The following DCLK1 variants were observed in gnomAD, a reference collection of about 807,000 sequenced individuals.
DCLK1 encodes the protein serine/threonine-protein kinase DCLK1.
In DCLK1, 16 loss-of-function variants were observed where a neutral mutation model predicts 86.2. The ratio of observed to expected loss-of-function variants is 0.19; its 90% confidence interval spans 0.13 to 0.28. The LOEUF (loss-of-function observed/expected upper bound fraction) is 0.28. Among genes scored for constraint, DCLK1 ranks in the 10% least tolerant of loss-of-function variants. The pLI is 1.00. For synonymous variants in DCLK1, 369 were observed against 370.5 expected (o/e 1.00, Z 0.05); for missense variants, 590 against 940.2 (o/e 0.63, Z 4.87).
chr13:36,077,410 C>T (rs1884251436), intron 3 of DCLK1, among the ~76,000 whole-genome samples: 1 of 152,128 alleles, frequency 6.6e-6, no homozygotes, highest in Non-Finnish European at 1.5e-5. Context: ...TTGCCAGCAT[C>T]CCCCTGGAAA....
At position 35,809,565 on chromosome 13, in the gene DCLK1, G is replaced by C. The variant is rs190816751; in HGVS notation, c.1689-470C>G. Reference sequence around the variant, plus strand: ...CAAGTATTGCTTATTGTACAGAAGAGAGAAAACAGGTTCAGATGGGTGAGT... The same window carrying C: ...CAAGTATTGCTTATTGTACAGAAGACAGAAAACAGGTTCAGATGGGTGAGT... On this transcript the variant is annotated intron_variant, in intron 12 of 16. Transcript: ENST00000360631. Among the ~76,000 whole-genome samples, 96 of 152,308 alleles carry C rather than the reference G, an allele frequency of 6.3e-4. 1 individual carries two copies. The highest frequency in any genetic ancestry group is 2.2e-3 in the African/African-American group (93 of 41,580).
At position 35,808,061 on chromosome 13, in the gene DCLK1, G is replaced by T. The variant is rs534781707; in HGVS notation, c.1863+163C>A. Among the ~76,000 whole-genome samples the T allele has an allele frequency of 4.6e-4, 70 of 152,324 alleles. 1 individual carries two copies. The South Asian group carries it at 5.6e-3, about 12-fold the overall frequency. Reference sequence around the variant, plus strand: ...CTTGTTGGGATGTCTGGGAACAGATGACTTGATGACTGTGAAATCTTGGAA... The same window carrying T: ...CTTGTTGGGATGTCTGGGAACAGATTACTTGATGACTGTGAAATCTTGGAA... On this transcript the variant is annotated intron_variant, in intron 14 of 16. Transcript: ENST00000360631.
intron 3 of DCLK1, among the ~76,000 whole-genome samples, chr13:35,959,043 C>T (rs1287948721): frequency 1.3e-5 from 2 of 152,114 alleles, no homozygotes; most frequent in Non-Finnish European, 2.9e-5. Context: ...GGTTTCAAGA[C>T]ATTACGTTTT....
intron 4 of DCLK1, among the ~76,000 whole-genome samples, chr13:35,903,432 TCTC>T (rs1459930784): frequency 2.6e-5 from 4 of 152,198 alleles, no homozygotes; most frequent in African/African-American, 4.8e-5. Flanking sequence ...CCTCTCTCTC[TCTC>T]ATTTCTTTTT....
At chr13:35,846,314 C>T in intron 6 of DCLK1, 1 of 985,264 alleles carries the variant, frequency 1.0e-6, no homozygotes, top group South Asian at 4.7e-5. Flanking sequence ...TCCTTGCTTA[C>T]TGATGAGTAT....
chr13:35,866,912 T>G (rs1871834840), intron 5 of DCLK1, among the ~76,000 whole-genome samples: 1 of 152,066 alleles, frequency 6.6e-6, no homozygotes, highest in African/African-American at 2.4e-5. Context: ...TATAGTTGAG[T>G]AGGGACAGGA....
intron 15 of DCLK1, among the ~76,000 whole-genome samples, chr13:35,796,120 T>C (rs928446316): frequency 2.0e-5 from 3 of 152,096 alleles, no homozygotes; most frequent in Non-Finnish European, 2.9e-5. Flanking sequence ...TGGCAGAGTG[T>C]CGGGTTCTGC....
chr13:35,946,123 C>G (rs1877370034), intron 4 of DCLK1, among the ~76,000 whole-genome samples: 1 of 152,108 alleles, frequency 6.6e-6, no homozygotes, highest in Non-Finnish European at 1.5e-5. Context: ...GATGATCTGT[C>G]TATCTCAGCC....
chr13:35,818,386 G>A (rs2087316750), intron 11 of DCLK1, among the ~76,000 whole-genome samples: 1 of 152,190 alleles, frequency 6.6e-6, no homozygotes, highest in South Asian at 2.1e-4. Context: ...CTAGCTTATT[G>A]CTAGATATAA....
At chr13:36,122,382 T>C (rs1450314877) in intron 2 of DCLK1, among the ~76,000 whole-genome samples, 2 of 152,210 alleles carry the variant, frequency 1.3e-5, no homozygotes. Flanking sequence ...CAAATTCACT[T>C]ACTTGTATCC....
chr13:35,819,954 G>A (rs1472787683), intron 11 of DCLK1, among the ~76,000 whole-genome samples: 2 of 152,148 alleles, frequency 1.3e-5, no homozygotes, highest in African/African-American at 4.8e-5. Context: ...GCTTGAAGGA[G>A]GTACCTTCCT....
At chr13:35,989,847 C>T (rs55899419) in intron 3 of DCLK1, among the ~76,000 whole-genome samples, 54,610 of 151,608 alleles carry the variant, frequency 0.36, 10,912 homozygotes, top group Admixed American at 0.44. Flanking sequence ...CCACCACATC[C>T]AGCAAAACAT....
At chr13:35,878,525 G>C (rs944212896) in intron 4 of DCLK1, among the ~76,000 whole-genome samples, 14 of 151,964 alleles carry the variant, frequency 9.2e-5, no homozygotes, top group Admixed American at 1.3e-4. Context: ...CATTGCAGTG[G>C]GGGGGAAATG....
At chr13:35,822,521 G>A (rs1477053418) in intron 11 of DCLK1, among the ~76,000 whole-genome samples, 1 of 151,922 alleles carries the variant, frequency 6.6e-6, no homozygotes, top group East Asian at 1.9e-4. Context: ...CCTGGTTTTT[G>A]TTTGCTAATA....
At position 35,823,592 on chromosome 13, in the gene DCLK1, T is replaced by C. The variant is rs551919651; in HGVS notation, c.1408-717A>G. On this transcript the variant is annotated intron_variant, in intron 10 of 16. Transcript: ENST00000360631. ...AACTTTTGTTTCCTTTGCTCCTTTT[T>C]AAATATATTGCTTTTTGGTAAAATG... Among the ~76,000 whole-genome samples the C allele has an allele frequency of 2.0e-5, 3 of 152,316 alleles. No individual in the cohort carries two copies. The East Asian group carries it at 5.8e-4, about 29-fold the overall frequency.
chr13:36,131,845 C>T (rs889766070), upstream of DCLK1, among the ~76,000 whole-genome samples: 2 of 152,194 alleles, frequency 1.3e-5, no homozygotes, highest in African/African-American at 4.8e-5. Flanking sequence ...ATCCTTTTTG[C>T]CCGGGATGCA....
intron 4 of DCLK1, among the ~76,000 whole-genome samples, chr13:35,896,880 C>G (rs993777853): frequency 6.6e-6 from 1 of 152,102 alleles, no homozygotes; most frequent in Non-Finnish European, 1.5e-5. Flanking sequence ...GGACATTTAA[C>G]CCATCTTGAG....
rs1304193803 is a variant in DCLK1 at position 35,982,431 on chromosome 13, AGGGGGAGGGAGGGAGGGAGGGAGG to A, written c.724-34998_724-34975del. ...AAGGGAGAGAGAGAGAGAGAGAGAG[AGGGGGAGGGAGGGAGGGAGGGAGG>A]GAGGGAGGGAGGGAGGGAGGGAGAA... On this transcript the variant is annotated intron_variant, in intron 3 of 16. Coordinates refer to ENST00000360631, the MANE Select transcript of DCLK1 (RefSeq NM_001330071.2). Among the ~76,000 whole-genome samples the A allele has an allele frequency of 9.7e-5, 4 of 41,218 alleles. 2 individuals are homozygous for A. The highest frequency in any genetic ancestry group is 6.4e-4 in the Admixed American group (2 of 3,134). 27.0% of individuals were successfully genotyped at this position (41,218 alleles called of 152,430 possible). A position where few individuals can be genotyped will look rare whatever the true frequency, so the allele number is the denominator to read the frequency against.
At chr13:35,897,722 G>C (rs1373313921) in intron 4 of DCLK1, among the ~76,000 whole-genome samples, 1 of 152,080 alleles carries the variant, frequency 6.6e-6, no homozygotes. Flanking sequence ...TGTAAGCAAA[G>C]CATAAACATT....
Sources: allele counts gnomAD v4.1 joint callset (sites outside exome capture counted in the v4.1 genomes callset), GRCh38; gene constraint gnomAD v4.1.1; transcripts MANE v1.5; gene names NCBI Gene and HGNC (gene_info 2026-07-23, HGNC 2026-07-21).